Variants in BICD1 observed in about 807,000 individuals in gnomAD.
BICD1 encodes the protein protein bicaudal D homolog 1.
BICD1 carries 35 observed loss-of-function variants against 92.5 expected under a neutral mutation model. That is an observed-to-expected ratio of 0.38 (90% CI 0.29 to 0.50). The LOEUF (loss-of-function observed/expected upper bound fraction) is 0.50. Ranked by LOEUF, BICD1 falls within the 20% of genes least tolerant of loss-of-function variation. The pLI, the probability that BICD1 is intolerant of heterozygous loss-of-function variation, is 0.93. For synonymous variants in BICD1, 429 were observed against 465.1 expected, an observed-to-expected ratio of 0.92 and a Z score of 1.00; for missense variants, 950 against 1,189.8, an observed-to-expected ratio of 0.80 and a Z score of 2.97.
chr12:32,118,087 A>ATTTTATTTTATTTTATTTTATTTTAT (rs372015819), intron 1 of BICD1, among the ~76,000 whole-genome samples: 4 of 128,528 alleles, frequency 3.1e-5, no homozygotes, highest in African/African-American at 5.7e-5. Context: ...ATTTTATTTT[A>ATTTTATTTTATTTTATTTTATTTTAT]TTTATTTTTT....
At chr12:32,211,134 T>C (rs1945201142) in intron 1 of BICD1, among the ~76,000 whole-genome samples, 1 of 152,226 alleles carries the variant, frequency 6.6e-6, no homozygotes, top group African/African-American at 2.4e-5. Context: ...TAGTTCTTAG[T>C]TCTCAGTGGA....
chr12:32,169,719 G>A (rs757853767), intron 1 of BICD1, among the ~76,000 whole-genome samples: 1 of 152,058 alleles, frequency 6.6e-6, no homozygotes, highest in African/African-American at 2.4e-5. Context: ...GACAGCTTTT[G>A]TTAAAAAGTT....
At chr12:32,371,578 G>A (rs536231502) in intron 9 of BICD1, among the ~76,000 whole-genome samples, 9 of 151,836 alleles carry the variant, frequency 5.9e-5, no homozygotes, top group Middle Eastern at 3.4e-3. Flanking sequence ...GTTTTTTGGC[G>A]TTTTTTTGTT....
chr12:32,293,012 T>G (rs899855960), intron 2 of BICD1, among the ~76,000 whole-genome samples: 9 of 152,116 alleles, frequency 5.9e-5, no homozygotes, highest in Admixed American at 5.2e-4. Flanking sequence ...TAATACAAGC[T>G]TGTTGTTAAA....
chr12:32,122,976 G>T (rs117562668), intron 1 of BICD1, among the ~76,000 whole-genome samples: 4,818 of 152,292 alleles, frequency 0.032, 105 homozygotes, highest in Non-Finnish European at 0.046. Flanking sequence ...TGTCAGATTT[G>T]GGTGTTGAAA....
rs11423390 is a variant in BICD1, at chr12:32,335,580, C to CTTT, written c.2252+929_2252+931dup. Among the ~76,000 whole-genome samples, 420 of 131,904 alleles carry CTTT rather than the reference C, an allele frequency of 3.2e-3. 9 individuals are homozygous for CTTT. Among genetic ancestry groups the CTTT allele is most frequent in the African/African-American group, 0.01 (362 of 35,754 alleles). The allele number at this position is 131,904 out of a possible 152,430, so 86.5% of individuals were successfully genotyped here. A position where few individuals can be genotyped will look rare whatever the true frequency, so the allele number is the denominator to read the frequency against. On this transcript the variant is annotated intron_variant, in intron 6 of 9. Coordinates refer to ENST00000652176, the MANE Select transcript of BICD1 (RefSeq NM_001714.4). ...ACAATGCAGTGTCAAAAAAGACCTA[C>CTTT]TTTTTTTTTTTTTTTTTTGAGATAG... is the stretch of plus-strand genomic sequence containing the variant.
At chr12:32,341,792 A>T (rs1278464167) in intron 8 of BICD1, among the ~76,000 whole-genome samples, 1 of 152,184 alleles carries the variant, frequency 6.6e-6, no homozygotes, top group African/African-American at 2.4e-5. Context: ...AGCTTCTACA[A>T]ATATCTGCAT....
intron 2 of BICD1, among the ~76,000 whole-genome samples, chr12:32,268,235 T>C (rs567400408): frequency 6.6e-6 from 1 of 152,346 alleles, no homozygotes; most frequent in East Asian, 1.9e-4. Flanking sequence ...GTACAACCAA[T>C]GTCAACAGAA....
At chr12:32,371,567 AG>A (rs1185415693) in intron 9 of BICD1, among the ~76,000 whole-genome samples, 1 of 151,882 alleles carries the variant, frequency 6.6e-6, no homozygotes, top group Non-Finnish European at 1.5e-5. Context: ...TGTTTGGTTT[AG>A]TTTTTTGGCG....
chr12:32,334,766 T>C, intron 6 of BICD1, 99 bp downstream of exon 6: 1 of 1,294,202 alleles, frequency 7.7e-7, no homozygotes, highest in Non-Finnish European at 1.0e-6. Context: ...ATTCGGTGAG[T>C]AGTCTAGGAT....
At chr12:32,198,582 T>C (rs1944806327) in intron 1 of BICD1, among the ~76,000 whole-genome samples, 1 of 149,472 alleles carries the variant, frequency 6.7e-6, no homozygotes, top group African/African-American at 2.5e-5. Context: ...TGAGAGGTGC[T>C]TCCAAGCCTA....
intron 2 of BICD1, among the ~76,000 whole-genome samples, chr12:32,249,745 A>C (rs1438701558): frequency 6.6e-6 from 1 of 151,530 alleles, no homozygotes; most frequent in Non-Finnish European, 1.5e-5. Flanking sequence ...AGTATGCCAA[A>C]GTTGTTCCAT....
intron 1 of BICD1, among the ~76,000 whole-genome samples, chr12:32,183,790 A>G (rs1944350046): frequency 6.6e-6 from 1 of 152,188 alleles, no homozygotes; most frequent in African/African-American, 2.4e-5. Context: ...GTCATTCCTT[A>G]TCTGTGAGTA....
At chr12:32,376,875 AAGGGG>A (rs1939991850) in intron 9 of BICD1, among the ~76,000 whole-genome samples, 1 of 112,434 alleles carries the variant, frequency 8.9e-6, no homozygotes, top group Non-Finnish European at 1.8e-5. Context: ...CTAAAAAAAA[AAGGGG>A]GGGGGGGGTG....
At chr12:32,310,484 A>C (rs566934732) in intron 4 of BICD1, among the ~76,000 whole-genome samples, 10 of 152,310 alleles carry the variant, frequency 6.6e-5, no homozygotes, top group South Asian at 2.1e-4. Flanking sequence ...CAGCTCAATC[A>C]GACTTCTGGA....
chr12:32,327,034 AGAT>A (rs1175936472), intron 4 of BICD1, among the ~76,000 whole-genome samples: 44 of 152,294 alleles, frequency 2.9e-4, no homozygotes, highest in Admixed American at 5.2e-4. Context: ...GGGAAGGAAA[AGAT>A]GATTGATTCA....
At chr12:32,216,832 C>G (rs963840684) in intron 2 of BICD1, among the ~76,000 whole-genome samples, 5 of 152,170 alleles carry the variant, frequency 3.3e-5, no homozygotes, top group Admixed American at 1.3e-4. Context: ...GCCTGATTTC[C>G]AGCTGACAGT....
At chr12:32,306,525 G>C (rs1325565029) in intron 4 of BICD1, among the ~76,000 whole-genome samples, 7 of 152,014 alleles carry the variant, frequency 4.6e-5, no homozygotes, top group Admixed American at 1.3e-4. Context: ...TTACAGGCGT[G>C]AGCCACCGCG....
Position 32,337,893 on chromosome 12 carries a change from T to C in BICD1, c.2570+77T>C. 1 of 1,521,242 alleles carries C rather than the reference T, an allele frequency of 6.6e-7. No homozygotes were observed. Among genetic ancestry groups the C allele is most frequent in the Non-Finnish European group, 9.1e-7 (1 of 1,100,398 alleles). The allele number at this position is 1,521,242 out of a possible 1,614,324, so 94.2% of individuals were successfully genotyped here. On this transcript the variant is annotated intron_variant, in intron 7 of 9. Transcript: ENST00000652176. The surrounding 1 kb of genome is among the most constrained non-coding windows in gnomAD (Gnocchi z 4.7). ...ACTGCAAAAATAAATGTGCTCTTGT[T>C]GTGGAGGATGGAGGAGGGGAAGCAA...
Sources: gnomAD v4.1 joint callset for allele counts (sites outside exome capture counted in the v4.1 genomes callset) on GRCh38, gnomAD v4.1.1 for gene constraint, Gnocchi (gnomAD v3.1) non-coding constraint, MANE v1.5 for transcripts, NCBI Gene and HGNC (gene_info 2026-07-23, HGNC 2026-07-21) for gene names.